GRM4: variants seen among roughly 807,000 people sequenced by gnomAD.
GRM4 encodes metabotropic glutamate receptor 4.
Under a neutral mutation model 81.7 loss-of-function variants are expected in GRM4, and 28 were observed. The ratio of observed to expected loss-of-function variants is 0.34; its 90% CI spans 0.25 to 0.47. The LOEUF (loss-of-function observed/expected upper bound fraction) is 0.47. Among genes scored for constraint, GRM4 ranks in the 20% least tolerant of loss-of-function variants. GRM4 has a pLI of 1.00. For missense variants in GRM4, 948 were observed against 1,290.0 expected, an observed-to-expected ratio of 0.73 and a Z score of 4.06; for synonymous variants, 488 against 528.8, an observed-to-expected ratio of 0.92 and a Z score of 1.06.
chr6:34,111,390 A>G lies in GRM4; in HGVS notation c.520-19291T>C, dbSNP rs1003539627. On this transcript the variant is annotated intron_variant, in intron 2 of 10. Coordinates refer to ENST00000538487, the MANE Select transcript of GRM4 (RefSeq NM_000841.4). The surrounding 1 kb of genome is among the most constrained non-coding windows in gnomAD (Gnocchi z 5.1). ...TGGTGGTAAGTACAACCAACCGTGC[A>G]CACACACACACACACACACACAAAC... is the stretch of plus-strand genomic sequence containing the variant. 6.6e-5 allele frequency among the ~76,000 whole-genome samples: 9 copies of G among 136,184 alleles called. No individual in the cohort carries two copies. The highest frequency in any genetic ancestry group is 2.0e-4 in the African/African-American group (7 of 34,950). The allele number at this position is 136,184 out of a possible 152,430, so 89.3% of individuals were successfully genotyped here.
chr6:34,030,524 C>A (rs191079676), intron 9 of GRM4, among the ~76,000 whole-genome samples: 2 of 152,314 alleles, frequency 1.3e-5, no homozygotes, highest in African/African-American at 4.8e-5. Context: ...TACTCTGCCT[C>A]AGCCCACTGT....
Position 34,020,422 on chromosome 6 carries a change from G to A in GRM4, c.*2399C>T, listed in dbSNP as rs1196751275. On this transcript the variant is annotated 3_prime_UTR_variant, in exon 11 of 11. Coordinates refer to ENST00000538487, the MANE Select transcript of GRM4 (RefSeq NM_000841.4). ...CCTCAGAGCATCAGTCACTTCAGGA[G>A]GGGCGTGAGCCACAGAGCAGGCAGG... is the stretch of plus-strand genomic sequence containing the variant. The A allele has an allele frequency of 3.3e-5, 5 of 152,492 alleles. No individual in the cohort carries two copies. The highest frequency in any genetic ancestry group is 9.7e-5 in the African/African-American group (4 of 41,436). 9.4% of individuals were successfully genotyped at this position (152,492 alleles called of 1,614,324 possible).
At position 34,080,120 on chromosome 6, in the gene GRM4, G is replaced by T. The variant is rs1409929913; in HGVS notation, c.736+11763C>A. ...GGGCAGGCACCACCTCAGGGCCTTTGCACATGCCAGTTCCCCTGCCTGGGG... is the reference window on the plus strand; with the variant it reads ...GGGCAGGCACCACCTCAGGGCCTTTTCACATGCCAGTTCCCCTGCCTGGGG... On this transcript the variant is annotated intron_variant, in intron 3 of 10. Coordinates refer to ENST00000538487, the MANE Select transcript of GRM4 (RefSeq NM_000841.4). The surrounding 1 kb of genome is among the most constrained non-coding windows in gnomAD (Gnocchi z 5.4). 6.6e-6 allele frequency among the ~76,000 whole-genome samples: 1 copy of T among 152,178 alleles called. No individual in the cohort carries two copies. The highest frequency in any genetic ancestry group is 1.9e-4 in the East Asian group (1 of 5,192).
chr6:34,053,179 G>A (rs1329523635), intron 6 of GRM4, among the ~76,000 whole-genome samples: 1 of 152,210 alleles, frequency 6.6e-6, no homozygotes, highest in Non-Finnish European at 1.5e-5. Flanking sequence ...GACAGCAGCT[G>A]AGACTCAGAG....
At chr6:34,072,598 CCACA>C (rs200974018) in intron 3 of GRM4, among the ~76,000 whole-genome samples, 8,939 of 143,454 alleles carry the variant, frequency 0.062, 363 homozygotes, top group African/African-American at 0.16. Flanking sequence ...CAGATACAGA[CCACA>C]CACACACACA....
intron 2 of GRM4, among the ~76,000 whole-genome samples, chr6:34,117,595 A>G (rs1769648402): frequency 6.6e-6 from 1 of 152,190 alleles, no homozygotes; most frequent in South Asian, 2.1e-4. Flanking sequence ...GTGAAGCCAT[A>G]GTCCCTGGCT....
rs796507805 is a variant in GRM4 at position 34,078,272 on chromosome 6, C to T, written c.736+13611G>A. On this transcript the variant is annotated intron_variant, in intron 3 of 10. Coordinates refer to ENST00000538487, the MANE Select transcript of GRM4 (RefSeq NM_000841.4). This position sits in a 1 kb window ranked among gnomAD's most constrained non-coding sequence, Gnocchi z 4.8. ...ACTCTCTCCTGCCCACCTTCTGCTT[C>T]TTCTCTGTCTCCCCCCAAATACACA... Among the ~76,000 whole-genome samples, 9 of 146,768 alleles carry T rather than the reference C, an allele frequency of 6.1e-5. No homozygotes were observed. The highest frequency in any genetic ancestry group is 2.4e-4 in the African/African-American group (9 of 36,968).
At chr6:34,052,266 A>G (rs1765651136) in intron 6 of GRM4, among the ~76,000 whole-genome samples, 2 of 152,144 alleles carry the variant, frequency 1.3e-5, no homozygotes, top group African/African-American at 4.8e-5. Context: ...ATTAAGCTCC[A>G]ATTGTTCACA....
chr6:34,071,848 CCA>C (rs1766892661), intron 3 of GRM4, among the ~76,000 whole-genome samples: 1 of 117,026 alleles, frequency 8.5e-6, no homozygotes, highest in Non-Finnish European at 1.8e-5. Context: ...CAGATACAAA[CCA>C]CACACACAAC....
intron 6 of GRM4, among the ~76,000 whole-genome samples, chr6:34,044,467 GACAT>G (rs1371390789): frequency 1.6e-4 from 18 of 109,520 alleles, no homozygotes; most frequent in African/African-American, 3.4e-4. Flanking sequence ...CACACACACA[GACAT>G]ACATACATAC....
rs1254906644 is a variant in GRM4, at chr6:34,115,474, C to T, written c.519+17504G>A. On this transcript the variant is annotated intron_variant, in intron 2 of 10. Transcript: ENST00000538487. The surrounding 1 kb of genome is among the most constrained non-coding windows in gnomAD (Gnocchi z 4.1). Reference sequence around the variant, plus strand: ...GCGCACCCCCTGGGAAGCATAACCACCCCCAAGCCCAAATTGCTGCCCCTT... The same window carrying T: ...GCGCACCCCCTGGGAAGCATAACCATCCCCAAGCCCAAATTGCTGCCCCTT... 1.3e-5 allele frequency among the ~76,000 whole-genome samples: 2 copies of T among 152,230 alleles called. No homozygotes were observed. Among genetic ancestry groups the T allele is most frequent in the Admixed American group, 1.3e-4 (2 of 15,284 alleles).
At chr6:34,093,295 A>T (rs1226305678) in intron 2 of GRM4, among the ~76,000 whole-genome samples, 1 of 151,742 alleles carries the variant, frequency 6.6e-6, no homozygotes, top group Admixed American at 6.6e-5. Context: ...CCCTGGGGCC[A>T]CCCCCCAGAC....
rs1292106603 is a variant in GRM4, at chr6:34,040,621, C to T, written c.1296G>A (p.Val432=). Reference sequence around the variant, plus strand: ...CAGGGTCCATGCGCGGGCAGAGCCCCACGCGGCCGGGACACAGGTCACGGT... The same window carrying T: ...CAGGGTCCATGCGCGGGCAGAGCCCTACGCGGCCGGGACACAGGTCACGGT... ...AMHRDLCPGR[V]GLCPRMDPVD... The change falls in exon 7 of 11, where the codon GTG becomes GTA. Residue 432 remains valine, a synonymous_variant. Coordinates refer to ENST00000538487, the MANE Select transcript of GRM4 (RefSeq NM_000841.4). The T allele has an allele frequency of 1.2e-6, 2 of 1,614,178 alleles. No individual in the cohort carries two copies. Among genetic ancestry groups the T allele is most frequent in the East Asian group, 2.2e-5 (1 of 44,886 alleles).
chr6:34,056,284 C>G (rs532811346), intron 6 of GRM4: 2 of 509,122 alleles, frequency 3.9e-6, no homozygotes, highest in East Asian at 3.4e-5. Context: ...GCCCTAGGGC[C>G]GTCCACATCA....
rs567278387 is a variant in GRM4 at position 34,025,421 on chromosome 6, A to C, written c.2690-2551T>G. 3.3e-5 allele frequency among the ~76,000 whole-genome samples: 5 copies of C among 152,118 alleles called. No homozygotes were observed. In the South Asian group the frequency reaches 1.0e-3, roughly 32 times the overall value. On this transcript the variant is annotated intron_variant, in intron 10 of 10. Coordinates refer to ENST00000538487, the MANE Select transcript of GRM4 (RefSeq NM_000841.4). Reference sequence around the variant, plus strand: ...TCTCAGCAGCCACAACAAAATCTCCACTGACTGCAGGGGATGCGAGCCTGA... The same window carrying C: ...TCTCAGCAGCCACAACAAAATCTCCCCTGACTGCAGGGGATGCGAGCCTGA...
At chr6:34,044,281 C>CACACACAT (rs1186061889) in intron 6 of GRM4, among the ~76,000 whole-genome samples, 1 of 151,604 alleles carries the variant, frequency 6.6e-6, no homozygotes, top group African/African-American at 2.4e-5. Context: ...TACACATACA[C>CACACACAT]ACACACATAG....
At chr6:34,147,900 TTGAATGAATGAA>T (rs3041981), upstream of GRM4, among the ~76,000 whole-genome samples, 55 of 150,666 alleles carry the variant, frequency 3.7e-4, no homozygotes, top group African/African-American at 7.6e-4. Context: ...TATACTTTTG[TTGAATGAATGAA>T]TGAATGAATG....
rs1336606218 is a variant in GRM4, at chr6:34,035,615, C to T, written c.2442+53G>A. On this transcript the variant is annotated intron_variant, in intron 9 of 10. Coordinates refer to ENST00000538487, the MANE Select transcript of GRM4 (RefSeq NM_000841.4). This position sits in a 1 kb window ranked among gnomAD's most constrained non-coding sequence, Gnocchi z 6.6. ...GCCAGCCAGCCTCAGGAGGCTGCCC[C>T]TTGCTCACTGCCCTCACCTACCCAC... is the stretch of plus-strand genomic sequence containing the variant. 8.5e-7 allele frequency: 1 copy of T among 1,180,954 alleles called. No individual in the cohort carries two copies. The highest frequency in any genetic ancestry group is 1.6e-5 in the African/African-American group (1 of 60,702). The allele number at this position is 1,180,954 out of a possible 1,614,324, so 73.2% of individuals were successfully genotyped here. A position where few individuals can be genotyped will look rare whatever the true frequency, so the allele number is the denominator to read the frequency against.
At chr6:34,044,077 GAC>G (rs139572683) in intron 6 of GRM4, among the ~76,000 whole-genome samples, 2,609 of 144,512 alleles carry the variant, frequency 0.018, 27 homozygotes, top group South Asian at 0.037. Flanking sequence ...TATATACACA[GAC>G]ACACACACAC....
Sources: gnomAD v4.1 joint callset for allele counts (sites outside exome capture counted in the v4.1 genomes callset) on GRCh38, gnomAD v4.1.1 for gene constraint, Gnocchi (gnomAD v3.1) non-coding constraint, MANE v1.5 for transcripts, NCBI Gene and HGNC (gene_info 2026-07-23, HGNC 2026-07-21) for gene names.